KALRN: variants seen among roughly 807,000 people sequenced by gnomAD.
KALRN encodes kalirin.
A neutral mutation model predicts 353.7 loss-of-function variants in KALRN; 70 were observed. The observed-to-expected ratio is 0.20, with a 90% CI of 0.16 to 0.24. The LOEUF (loss-of-function observed/expected upper bound fraction) is 0.24, where lower values mean the gene tolerates loss of function less well. Ranked by LOEUF, KALRN falls within the 10% of genes least tolerant of loss-of-function variation. KALRN has a pLI of 1.00. For synonymous variants in KALRN, 1,391 were observed against 1,434.8 expected, an observed-to-expected ratio of 0.97 and a Z score of 0.69; for missense variants, 2,791 against 3,756.7, an observed-to-expected ratio of 0.74 and a Z score of 6.72.
chr3:124,366,199 C>CTT (rs201723915), intron 10 of KALRN, among the ~76,000 whole-genome samples: 1 of 147,334 alleles, frequency 6.8e-6, no homozygotes, highest in Non-Finnish European at 1.5e-5. Flanking sequence ...TATTGTATTT[C>CTT]TTTTTTTTTT....
rs78071427 is a variant in KALRN, at chr3:124,395,519, A to G, written c.2171+176A>G. ...ACTCAACTTGAATCTAGAATAAAAT[A>G]GTAAATGGAAAAGCTTTAATGTTTC... On this transcript the variant is annotated intron_variant, in intron 12 of 59. Transcript: ENST00000682506. The G allele has an allele frequency of 0.05, 27,900 of 558,946 alleles. 932 individuals are homozygous for G. Among genetic ancestry groups the G allele is most frequent in the Middle Eastern group, 0.075 (164 of 2,174 alleles). The allele number at this position is 558,946 out of a possible 1,614,324, so 34.6% of individuals were successfully genotyped here. A position where few individuals can be genotyped will look rare whatever the true frequency, so the allele number is the denominator to read the frequency against.
chr3:124,691,197 G>A (rs1414634739), intron 51 of KALRN, among the ~76,000 whole-genome samples: 5 of 152,186 alleles, frequency 3.3e-5, no homozygotes, highest in Admixed American at 1.3e-4. Context: ...GGGAGGCCGA[G>A]GCAGGCGGAT....
chr3:124,529,797 A>T (rs1267970836), intron 33 of KALRN, among the ~76,000 whole-genome samples: 1 of 152,016 alleles, frequency 6.6e-6, no homozygotes, highest in Admixed American at 6.6e-5. Flanking sequence ...AAGATGGAAA[A>T]AAAAAAAAGC....
chr3:124,631,721 T>C (rs1394522030), intron 34 of KALRN, among the ~76,000 whole-genome samples: 2 of 152,210 alleles, frequency 1.3e-5, no homozygotes, highest in Non-Finnish European at 2.9e-5. Flanking sequence ...TTTAAAAATA[T>C]AAGCCAGATT....
chr3:124,050,893 A>G (rs779468162), intron 1 of KALRN, among the ~76,000 whole-genome samples: 8 of 152,312 alleles, frequency 5.3e-5, no homozygotes, highest in East Asian at 3.9e-4. Context: ...GCCTGCTGCT[A>G]TAACTATCCT....
intron 1 of KALRN, among the ~76,000 whole-genome samples, chr3:124,177,988 G>T (rs1431725274): frequency 6.6e-6 from 1 of 152,116 alleles, no homozygotes; most frequent in East Asian, 1.9e-4. Context: ...GTGCCACCTG[G>T]GCTGCTCTTT....
chr3:124,191,045 A>G (rs1198447532), intron 1 of KALRN, among the ~76,000 whole-genome samples: 1 of 152,226 alleles, frequency 6.6e-6, no homozygotes, highest in Non-Finnish European at 1.5e-5. Context: ...TCAGGGAGAC[A>G]TGGTTTACCA....
At chr3:124,091,509 A>T (rs1163264603) in intron 1 of KALRN, among the ~76,000 whole-genome samples, 2 of 152,154 alleles carry the variant, frequency 1.3e-5, no homozygotes, top group Non-Finnish European at 2.9e-5. Context: ...TTGGGAACAC[A>T]GTGTTTTCAA....
chr3:124,191,329 G>A (rs2150313089), intron 1 of KALRN, among the ~76,000 whole-genome samples: 1 of 152,140 alleles, frequency 6.6e-6, no homozygotes, highest in Middle Eastern at 3.4e-3. Context: ...GAAGTTGCAG[G>A]ATGGGGCTGA....
At chr3:124,588,268 C>T (rs559578589) in intron 34 of KALRN, among the ~76,000 whole-genome samples, 8 of 152,218 alleles carry the variant, frequency 5.3e-5, no homozygotes, top group African/African-American at 1.9e-4. Context: ...TTTGGGATAG[C>T]TTTGACTAGC....
intron 14 of KALRN, among the ~76,000 whole-genome samples, chr3:124,421,164 A>G (rs1430833332): frequency 6.6e-6 from 1 of 152,224 alleles, no homozygotes. Context: ...CTGCAGAGCC[A>G]GGTGGACTCA....
intron 1 of KALRN, among the ~76,000 whole-genome samples, chr3:124,113,360 AT>A (rs2063166551): frequency 6.6e-6 from 1 of 152,162 alleles, no homozygotes; most frequent in African/African-American, 2.4e-5. Context: ...TAACTTTTGG[AT>A]GAGAAGGGGA....
At position 124,666,598 on chromosome 3, in the gene KALRN, C is replaced by G; in HGVS notation, c.6495C>G (p.Ser2165=). The G allele has an allele frequency of 6.2e-7, 1 of 1,614,074 alleles. No individual in the cohort carries two copies. Among genetic ancestry groups the G allele is most frequent in the Non-Finnish European group, 8.5e-7 (1 of 1,179,976 alleles). Residue 2165 remains serine, a synonymous_variant, in exon 46 of 60, where the codon TCC becomes TCG. Transcript: ENST00000682506. ...TCAGTGAACTGCTCAGGAAGGGATC[C>G]CTCACCCCTGGCTACATGTTCAAAA... is the stretch of plus-strand genomic sequence containing the variant. ...VIFSELLRKG[S]LTPGYMFKRS...
At chr3:124,315,100 A>G (rs1433762315) in intron 6 of KALRN, among the ~76,000 whole-genome samples, 3 of 152,178 alleles carry the variant, frequency 2.0e-5, no homozygotes, top group Admixed American at 2.0e-4. Context: ...TCACATTTCA[A>G]CATGAGGTTT....
intron 28 of KALRN, among the ~76,000 whole-genome samples, chr3:124,483,722 G>A (rs1415541911): frequency 2.6e-5 from 4 of 152,160 alleles, no homozygotes; most frequent in African/African-American, 7.2e-5. Context: ...AAACACAAGG[G>A]TATTCTTATA....
intron 31 of KALRN, among the ~76,000 whole-genome samples, chr3:124,492,284 T>C (rs1269695028): frequency 6.6e-6 from 1 of 152,220 alleles, no homozygotes; most frequent in Non-Finnish European, 1.5e-5. Flanking sequence ...GACTGATTTC[T>C]AGTCAGTACA....
rs111284721 is a variant in KALRN at position 124,634,053 on chromosome 3, T to C, written c.5568+100T>C. ...TAGTCATACTCTTTCTCCCATGTTA[T>C]CTCGTCGTCCACATGAATCCATGTT... On this transcript the variant is annotated intron_variant, in intron 36 of 59. Transcript: ENST00000682506. The C allele has an allele frequency of 3.4e-3, 2,912 of 859,628 alleles. 49 individuals carry two copies. The African/African-American group carries it at 0.043, about 13-fold the overall frequency. The allele number at this position is 859,628 out of a possible 1,614,324, so 53.3% of individuals were successfully genotyped here. A position where few individuals can be genotyped will look rare whatever the true frequency, so the allele number is the denominator to read the frequency against.
chr3:124,550,211 A>T (rs1256016952), intron 33 of KALRN, among the ~76,000 whole-genome samples: 1 of 152,202 alleles, frequency 6.6e-6, no homozygotes, highest in Admixed American at 6.5e-5. Context: ...TCTCTCTCAA[A>T]TGACTACAGT....
chr3:124,404,504 T>A (rs1003331864), intron 13 of KALRN, among the ~76,000 whole-genome samples: 1 of 152,116 alleles, frequency 6.6e-6, no homozygotes, highest in African/African-American at 2.4e-5. Context: ...ATAGGTACCT[T>A]TTTAATGACT....
Sources: gnomAD v4.1 joint callset for allele counts (sites outside exome capture counted in the v4.1 genomes callset) on GRCh38, gnomAD v4.1.1 for gene constraint, MANE v1.5 for transcripts, NCBI Gene and HGNC (gene_info 2026-07-23, HGNC 2026-07-21) for gene names.